Variants in IQSEC3 observed in about 807,000 individuals in gnomAD.
IQSEC3 encodes IQ motif and SEC7 domain-containing protein 3.
IQSEC3 carries 50 observed loss-of-function variants against 105.4 expected under a neutral mutation model. The ratio of observed to expected loss-of-function variants is 0.47; its 90% CI spans 0.38 to 0.60. IQSEC3 has a LOEUF of 0.60. Among genes scored for constraint, IQSEC3 ranks in the 20% least tolerant of loss-of-function variants. The pLI is 0.00. For synonymous variants in IQSEC3, 708 were observed against 746.0 expected (o/e 0.95, Z 0.83); for missense variants, 1,415 against 1,630.0 (o/e 0.87, Z 2.27).
rs1555083041 is a variant in IQSEC3 at position 125,669 on chromosome 12, G to A, written c.660G>A (p.Glu220=). 1 of 1,537,766 alleles carries A rather than the reference G, an allele frequency of 6.5e-7. No homozygotes were observed. The highest frequency in any genetic ancestry group is 1.4e-5 in the African/African-American group (1 of 71,508). Residue 220 remains glutamate, a synonymous_variant, in exon 3 of 14, where the codon GAG becomes GAA. Transcript: ENST00000538872. ...GCACCCAGGCCGGTGGGGGCATGGA[G>A]GACTCCGTGGTGGCAGCGGCGGCGG... ...GSCTQAGGGM[E]DSVVAAAAVA...
At chr12:96,025 T>G (rs1481777940) in intron 1 of IQSEC3, among the ~76,000 whole-genome samples, 1 of 152,120 alleles carries the variant, frequency 6.6e-6, no homozygotes, top group Non-Finnish European at 1.5e-5. Context: ...TGAGGCACAG[T>G]CTTAAGAGGT....
intron 3 of IQSEC3, among the ~76,000 whole-genome samples, chr12:127,575 A>G (rs1555083859): frequency 6.7e-6 from 1 of 149,490 alleles, no homozygotes; most frequent in East Asian, 1.9e-4. Context: ...GTTTTAATGA[A>G]AAAAAAAAAG....
At chr12:141,556 C>G (rs1425752688) in intron 5 of IQSEC3, 2 of 413,642 alleles carry the variant, frequency 4.8e-6, no homozygotes, top group African/African-American at 4.0e-5. Flanking sequence ...ACAAAAAGCC[C>G]TTTCTGCCTG....
intron 1 of IQSEC3, among the ~76,000 whole-genome samples, chr12:79,507 T>C (rs1301741436): frequency 1.3e-5 from 2 of 152,198 alleles, no homozygotes; most frequent in Non-Finnish European, 2.9e-5. Context: ...CATTGCTCTC[T>C]GCAGCCTCGA....
chr12:97,335 C>T (rs1025700564), intron 1 of IQSEC3, among the ~76,000 whole-genome samples: 3 of 152,134 alleles, frequency 2.0e-5, no homozygotes, highest in Non-Finnish European at 4.4e-5. Flanking sequence ...TGTTTTCATA[C>T]AGATTTTTTT....
At chr12:87,537 A>C (rs1555072368) in intron 1 of IQSEC3, among the ~76,000 whole-genome samples, 1 of 152,250 alleles carries the variant, frequency 6.6e-6, no homozygotes, top group East Asian at 1.9e-4. Context: ...CCCAGATGAC[A>C]GCAAGTTGGC....
rs376120802 is a variant in IQSEC3 at position 108,091 on chromosome 12, TCCCTAACCCTAA to T, written c.623+8901_623+8912del. Reference sequence around the variant, plus strand: ...TTAGCAGCTTTATCCACAAGCCTGTTCCCTAACCCTAACCCTAACCCTAACCCTAACCCTAGC... The same window carrying T: ...TTAGCAGCTTTATCCACAAGCCTGTTCCCTAACCCTAACCCTAACCCTAGC... On this transcript the variant is annotated intron_variant, in intron 2 of 13. Transcript: ENST00000538872. Among the ~76,000 whole-genome samples the T allele has an allele frequency of 7.8e-3, 1,190 of 152,210 alleles. 5 individuals carry two copies. Among genetic ancestry groups the T allele is most frequent in the African/African-American group, 9.3e-3 (387 of 41,494 alleles).
At chr12:86,128 T>C (rs1458840569) in intron 1 of IQSEC3, among the ~76,000 whole-genome samples, 5 of 152,150 alleles carry the variant, frequency 3.3e-5, no homozygotes, top group Non-Finnish European at 5.9e-5. Context: ...AAAAAATAGA[T>C]GTTGCATTCC....
At chr12:109,360 G>GT (rs1864793542) in intron 2 of IQSEC3, among the ~76,000 whole-genome samples, 2 of 152,190 alleles carry the variant, frequency 1.3e-5, no homozygotes, top group Admixed American at 6.5e-5. Context: ...TGTCCTTTGA[G>GT]TTTATAACCC....
chr12:69,988 G>A (rs1248352544), intron 1 of IQSEC3, among the ~76,000 whole-genome samples: 1 of 152,260 alleles, frequency 6.6e-6, no homozygotes, highest in Non-Finnish European at 1.5e-5. Flanking sequence ...TTGCTCCTGG[G>A]GAGCTCCCCG....
In IQSEC3 at chr12:66,871, G is replaced by C; in HGVS notation, c.-12G>C. 7.1e-7 allele frequency: 1 copy of C among 1,412,898 alleles called. No individual in the cohort carries two copies. The highest frequency in any genetic ancestry group is 9.2e-7 in the Non-Finnish European group (1 of 1,082,638). 87.5% of individuals were successfully genotyped at this position (1,412,898 alleles called of 1,614,324 possible). A position where few individuals can be genotyped will look rare whatever the true frequency, so the allele number is the denominator to read the frequency against. On this transcript the variant is annotated 5_prime_UTR_variant, in exon 1 of 14. Coordinates refer to ENST00000538872, the MANE Select transcript of IQSEC3 (RefSeq NM_001170738.2). Reference sequence around the variant, plus strand: ...CCCAGGCGCAGGCAGGGCGCAGGCGGCGGCGGGCGGCATGGAGAGCCTGCT... The same window carrying C: ...CCCAGGCGCAGGCAGGGCGCAGGCGCCGGCGGGCGGCATGGAGAGCCTGCT...
At chr12:144,978 T>C (rs1866201329) in intron 5 of IQSEC3, among the ~76,000 whole-genome samples, 1 of 152,234 alleles carries the variant, frequency 6.6e-6, no homozygotes, top group South Asian at 2.1e-4. Context: ...ACCACTGGCA[T>C]GTGCCACCAC....
At chr12:85,356 A>G (rs1863883567) in intron 1 of IQSEC3, among the ~76,000 whole-genome samples, 1 of 152,214 alleles carries the variant, frequency 6.6e-6, no homozygotes, top group Non-Finnish European at 1.5e-5. Flanking sequence ...TCTGCCAGGT[A>G]ATACAGAGAT....
chr12:82,248 A>G (rs1863769357), intron 1 of IQSEC3, among the ~76,000 whole-genome samples: 1 of 152,168 alleles, frequency 6.6e-6, no homozygotes, highest in Non-Finnish European at 1.5e-5. Context: ...TATTAGAGGG[A>G]TACATTGTGG....
chr12:146,440 C>T (rs1443702428), intron 5 of IQSEC3, among the ~76,000 whole-genome samples: 1 of 152,252 alleles, frequency 6.6e-6, no homozygotes, highest in African/African-American at 2.4e-5. Flanking sequence ...CTTACGGCAC[C>T]ACTGCACTCC....
Position 141,274 on chromosome 12 carries a change from C to G in IQSEC3, c.2142C>G (p.Arg714=). 6.2e-7 allele frequency: 1 copy of G among 1,614,016 alleles called. No homozygotes were observed. The highest frequency in any genetic ancestry group is 8.5e-7 in the Non-Finnish European group (1 of 1,179,970). The stretch of plus-strand genomic sequence containing the variant: ...GCAACAGCAAGAAGCAGTTCAACCG[C>G]GACGTGCTGGAGTGAGTACCCCACA... ...FLGNSKKQFN[R]DVLDCVVDEM... The change falls in exon 5 of 14, where the codon CGC becomes CGG. Residue 714 remains arginine, a synonymous_variant. Transcript: ENST00000538872.
Position 165,735 on chromosome 12 carries a change from C to G in IQSEC3, c.2816C>G (p.Ser939Cys). Residue 939 changes from serine to cysteine, a missense_variant, in exon 11 of 14, where the codon TCT (serine) becomes TGT (cysteine). By Grantham distance (112) the Ser-to-Cys change is moderately radical. Around this residue, in one of 6 missense-constraint regions of IQSEC3, gnomAD observed 419 missense variants for 436.2 expected, o/e 0.96. Coordinates refer to ENST00000538872, the MANE Select transcript of IQSEC3 (RefSeq NM_001170738.2). ...QFQLFENEYY[S>C]HGITLVTPLS... ...CCTGGGGTCTGCTTTCCAGATTACT[C>G]TCATGGCATCACACTGGTGACCCCG... 6.2e-7 allele frequency: 1 copy of G among 1,613,686 alleles called. No homozygotes were observed. The highest frequency in any genetic ancestry group is 8.5e-7 in the Non-Finnish European group (1 of 1,179,930).
intron 2 of IQSEC3, chr12:111,757 C>T (rs952006144): frequency 1.3e-5 from 2 of 152,150 alleles, no homozygotes; most frequent in African/African-American, 2.4e-5. Flanking sequence ...CCACACAAAT[C>T]GAGTGGGACA....
intron 1 of IQSEC3, among the ~76,000 whole-genome samples, chr12:83,307 G>A (rs1555071177): frequency 6.6e-6 from 1 of 152,160 alleles, no homozygotes; most frequent in East Asian, 1.9e-4. Flanking sequence ...CGGTGAACAA[G>A]TCGAACAAAG....
Sources: gnomAD v4.1 joint callset for allele counts (sites outside exome capture counted in the v4.1 genomes callset) on GRCh38, gnomAD v4.1.1 for gene constraint, gnomAD v4.1.1 regional missense constraint, MANE v1.5 for transcripts, NCBI Gene and HGNC (gene_info 2026-07-23, HGNC 2026-07-21) for gene names.